The following MBTD1 variants were observed in gnomAD, a reference collection of about 807,000 sequenced individuals.
The protein encoded by MBTD1 is MBT domain-containing protein 1.
MBTD1 carries 24 observed loss-of-function variants against 87.8 expected under a neutral mutation model. That is an observed-to-expected ratio of 0.27 (90% CI 0.20 to 0.38). The LOEUF (loss-of-function observed/expected upper bound fraction) is 0.38, where lower values mean the gene tolerates loss of function less well. Among genes scored for constraint, MBTD1 ranks in the 10% least tolerant of loss-of-function variants. The pLI is 1.00. For missense variants in MBTD1, 436 were observed against 760.2 expected (o/e 0.57, Z 5.02); for synonymous variants, 237 against 248.6 (o/e 0.95, Z 0.44).
intron 12 of MBTD1, among the ~76,000 whole-genome samples, chr17:51,200,980 C>A (rs1184897211): frequency 6.6e-6 from 1 of 151,862 alleles, no homozygotes; most frequent in African/African-American, 2.4e-5. Flanking sequence ...AGACCCTGTA[C>A]CTACAAAAAT....
chr17:51,223,153 G>A (rs2053011344), intron 3 of MBTD1, among the ~76,000 whole-genome samples: 1 of 152,044 alleles, frequency 6.6e-6, no homozygotes, highest in South Asian at 2.1e-4. Context: ...CAACAGGGCA[G>A]AATTATCAAA....
chr17:51,224,972 A>G (rs1468806104), intron 3 of MBTD1, 36 bp downstream of exon 3: 1 of 1,368,552 alleles, frequency 7.3e-7, no homozygotes, highest in Non-Finnish European at 9.8e-7. Flanking sequence ...CCTTAAACAT[A>G]AAGCTGTAGA....
At chr17:51,252,480 C>T (rs1036162794) in intron 2 of MBTD1, among the ~76,000 whole-genome samples, 1 of 152,078 alleles carries the variant, frequency 6.6e-6, no homozygotes, top group African/African-American at 2.4e-5. Flanking sequence ...AATCCTAGCA[C>T]TTTGGGAGAC....
intron 12 of MBTD1, among the ~76,000 whole-genome samples, chr17:51,199,203 T>C (rs1467189320): frequency 6.6e-6 from 1 of 151,938 alleles, no homozygotes; most frequent in Admixed American, 6.6e-5. Flanking sequence ...GGTTCAAGCA[T>C]TCTCCTGCCT....
At chr17:51,218,502 C>G (rs1046993370) in intron 5 of MBTD1, among the ~76,000 whole-genome samples, 2 of 139,638 alleles carry the variant, frequency 1.4e-5, no homozygotes, top group African/African-American at 5.5e-5. Flanking sequence ...GAACTCTAGC[C>G]TGAGTGACAG....
intron 3 of MBTD1, among the ~76,000 whole-genome samples, chr17:51,221,172 C>T (rs902378413): frequency 1.3e-5 from 2 of 152,162 alleles, no homozygotes; most frequent in Non-Finnish European, 2.9e-5. Flanking sequence ...GTAGCACACA[C>T]CTGTAGTCCC....
intron 2 of MBTD1, among the ~76,000 whole-genome samples, chr17:51,233,278 G>C (rs1020850851): frequency 1.3e-5 from 2 of 151,996 alleles, no homozygotes; most frequent in Non-Finnish European, 2.9e-5. Context: ...AGTCTAATCA[G>C]GTGCTTAGTA....
intron 2 of MBTD1, among the ~76,000 whole-genome samples, chr17:51,232,657 C>T (rs1156820434): frequency 6.6e-6 from 1 of 151,890 alleles, no homozygotes; most frequent in Non-Finnish European, 1.5e-5. Context: ...CAATAAAAGT[C>T]TAATAAGAAT....
At chr17:51,237,295 CAAAA>C (rs368805446) in intron 2 of MBTD1, among the ~76,000 whole-genome samples, 14 of 60,486 alleles carry the variant, frequency 2.3e-4, no homozygotes, top group Non-Finnish European at 3.9e-4. Flanking sequence ...GACTCCATCT[CAAAA>C]AAAAAAAAAA....
At position 51,178,095 on chromosome 17, in the gene MBTD1, G is replaced by GT. The variant is rs2050165512; in HGVS notation, c.*2480_*2481insA. 3 of 152,058 alleles carry GT rather than the reference G, an allele frequency of 2.0e-5. No individual in the cohort carries two copies. Among genetic ancestry groups the GT allele is most frequent in the Non-Finnish European group, 4.4e-5 (3 of 68,000 alleles). The allele number at this position is 152,058 out of a possible 1,614,324, so 9.4% of individuals were successfully genotyped here. Reference sequence around the variant, plus strand: ...AAAAGTCCCCAAATAAATCCTAACAGGAAAAACAAAACAAAACAAAAACAA... The same window carrying GT: ...AAAAGTCCCCAAATAAATCCTAACAGTGAAAAACAAAACAAAACAAAAACAA... On this transcript the variant is annotated 3_prime_UTR_variant, in exon 17 of 17. Transcript: ENST00000586178.
chr17:51,236,570 T>C (rs953825529), intron 2 of MBTD1, among the ~76,000 whole-genome samples: 1 of 152,164 alleles, frequency 6.6e-6, no homozygotes, highest in African/African-American at 2.4e-5. Flanking sequence ...ACTTTGTGCA[T>C]TGCTCATCAA....
chr17:51,179,522 A>T lies in MBTD1; in HGVS notation c.*1054T>A, dbSNP rs879772710. ...TATATATATATATATATATATATAT[A>T]TATATATATATATATGGAATTTTAA... On this transcript the variant is annotated 3_prime_UTR_variant, in exon 17 of 17. Coordinates refer to ENST00000586178, the MANE Select transcript of MBTD1 (RefSeq NM_017643.3). The T allele has an allele frequency of 0.033, 3,230 of 97,790 alleles. 414 individuals are homozygous for T. Among genetic ancestry groups the T allele is most frequent in the African/African-American group, 0.082 (2,174 of 26,352 alleles). The allele number at this position is 97,790 out of a possible 1,614,324, so 6.1% of individuals were successfully genotyped here.
Position 51,225,181 on chromosome 17 carries a change from T to C in MBTD1, c.-20A>G, listed in dbSNP as rs1253632361. ...AAACATCCCGAAAGAATCTCTTCTT[T>C]TCCTTTCAGATCGTGAAGAATGTTC... On this transcript the variant is annotated 5_prime_UTR_variant, in exon 3 of 17. Coordinates refer to ENST00000586178, the MANE Select transcript of MBTD1 (RefSeq NM_017643.3). The C allele has an allele frequency of 4.6e-6, 7 of 1,531,998 alleles. No individual in the cohort carries two copies. The East Asian group carries it at 1.2e-4, about 27-fold the overall frequency. The allele number at this position is 1,531,998 out of a possible 1,614,324, so 94.9% of individuals were successfully genotyped here.
rs745938863 is a variant in MBTD1, at chr17:51,202,765, C to T, written c.999G>A (p.Met333Ile). Residue 333 changes from methionine to isoleucine, a missense_variant, in exon 10 of 17, where the codon ATG (methionine) becomes ATA (isoleucine). By Grantham distance (10) the Met-to-Ile change is conservative. Around this residue, in one of 5 missense-constraint regions of MBTD1, gnomAD observed 268 missense variants for 401.8 expected, o/e 0.67. Coordinates refer to ENST00000586178, the MANE Select transcript of MBTD1 (RefSeq NM_017643.3). ...CAATATGATGTATTAATGGGCTGTG[C>T]ATATGGCACCAGAAGTCATCTGTTC... ...EDRTDDFWCH[M>I]HSPLIHHIGW... The T allele has an allele frequency of 3.4e-5, 55 of 1,614,016 alleles. No individual in the cohort carries two copies. Among genetic ancestry groups the T allele is most frequent in the Non-Finnish European group, 4.4e-5 (52 of 1,180,022 alleles).
intron 6 of MBTD1, among the ~76,000 whole-genome samples, chr17:51,208,209 T>C (rs1358374407): frequency 6.6e-6 from 1 of 152,214 alleles, no homozygotes; most frequent in Non-Finnish European, 1.5e-5. Context: ...GAATGTCAAA[T>C]ACTGAAGTTG....
chr17:51,206,958 T>G lies in MBTD1; in HGVS notation c.534A>C (p.Val178=). 6.2e-7 allele frequency: 1 copy of G among 1,613,886 alleles called. No individual in the cohort carries two copies. The highest frequency in any genetic ancestry group is 1.7e-4 in the Middle Eastern group (1 of 6,060). Residue 178 remains valine (V), a synonymous_variant, in exon 7 of 17, where the codon GTA becomes GTC. Transcript: ENST00000586178. ...GGCTGCAGTCTGTATTGGGAACTTC[T>G]ACTCTCACATTTTCTGAGATATCAC... ...CWGDISENVR[V]EVPNTDCSLP...
chr17:51,202,785 C>T lies in MBTD1; in HGVS notation c.979G>A (p.Asp327Asn). The T allele has an allele frequency of 6.2e-7, 1 of 1,614,164 alleles. No individual in the cohort carries two copies. Among genetic ancestry groups the T allele is most frequent in the Admixed American group, 1.7e-5 (1 of 60,024 alleles). Residue 327 changes from aspartate (D) to asparagine (N), a missense_variant, in exon 10 of 17, where the codon GAT becomes AAT. Coordinates refer to ENST00000586178, the MANE Select transcript of MBTD1 (RefSeq NM_017643.3). ...LVYEESEDRT[D>N]DFWCHMHSPL... The stretch of plus-strand genomic sequence containing the variant: ...CTGTGCATATGGCACCAGAAGTCAT[C>T]TGTTCTATCTTCGCTTTCTTCATAC...
chr17:51,260,566 T>C, upstream of MBTD1: 1 of 1,603,336 alleles, frequency 6.2e-7, no homozygotes, highest in Non-Finnish European at 8.5e-7. Flanking sequence ...AGCGCCTGCG[T>C]TTCTCCTCAA....
At chr17:51,260,502 C>A (rs576711888), upstream of MBTD1, 3 of 1,428,612 alleles carry the variant, frequency 2.1e-6, no homozygotes, top group African/African-American at 2.9e-5. Context: ...CCCGGGGCTT[C>A]GGCGGCGGCG....
Sources: allele counts gnomAD v4.1 joint callset (sites outside exome capture counted in the v4.1 genomes callset), GRCh38; gene constraint gnomAD v4.1.1; regional missense constraint gnomAD v4.1.1; transcripts MANE v1.5; gene names NCBI Gene and HGNC (gene_info 2026-07-23, HGNC 2026-07-21).